ATF7IP: variants seen among roughly 807,000 people sequenced by gnomAD.
The protein encoded by ATF7IP is activating transcription factor 7-interacting protein 1.
In ATF7IP, 23 loss-of-function variants were observed where a neutral mutation model predicts 106.4. The ratio of observed to expected loss-of-function variants is 0.22; its 90% confidence interval spans 0.16 to 0.31. ATF7IP has a LOEUF of 0.31. Among genes scored for constraint, ATF7IP ranks in the 10% least tolerant of loss-of-function variants. ATF7IP has a pLI of 1.00. For synonymous variants in ATF7IP, 542 were observed against 539.0 expected, an observed-to-expected ratio of 1.01 and a Z score of -0.08; for missense variants, 1,334 against 1,524.3, an observed-to-expected ratio of 0.88 and a Z score of 2.08.
chr12:14,447,127 G>T, intron 6 of ATF7IP, 74 bp downstream of exon 6: 2 of 1,197,590 alleles, frequency 1.7e-6, no homozygotes, highest in South Asian at 2.8e-5. Context: ...GAATTAGGAG[G>T]AAACTGTATT....
chr12:14,431,729 G>C (rs1205808535), intron 2 of ATF7IP, among the ~76,000 whole-genome samples: 4 of 152,078 alleles, frequency 2.6e-5, no homozygotes, highest in Non-Finnish European at 5.9e-5. Flanking sequence ...ATTTGGATGA[G>C]TTTCAGGAGT....
intron 8 of ATF7IP, among the ~76,000 whole-genome samples, chr12:14,458,791 C>T (rs966609427): frequency 2.6e-5 from 4 of 151,542 alleles, no homozygotes; most frequent in Admixed American, 1.3e-4. Context: ...CCAGTGTACT[C>T]GATCCTGGGC....
chr12:14,435,678 C>A (rs1022999758), intron 3 of ATF7IP, among the ~76,000 whole-genome samples: 1 of 151,888 alleles, frequency 6.6e-6, no homozygotes, highest in Non-Finnish European at 1.5e-5. Flanking sequence ...CCTATACTTA[C>A]GGAGGAAAAA....
intron 13 of ATF7IP, among the ~76,000 whole-genome samples, chr12:14,493,831 C>T (rs1944909025): frequency 6.6e-6 from 1 of 152,098 alleles, no homozygotes; most frequent in African/African-American, 2.4e-5. Context: ...ATAAGACTCT[C>T]ATTCAGGGCA....
intron 1 of ATF7IP, among the ~76,000 whole-genome samples, chr12:14,415,605 T>C (rs1011311755): frequency 6.6e-6 from 1 of 152,168 alleles, no homozygotes; most frequent in Admixed American, 6.6e-5. Context: ...AGGGGTTAAT[T>C]TGTGAAAGTG....
intron 10 of ATF7IP, among the ~76,000 whole-genome samples, chr12:14,468,079 C>T (rs1460601383): frequency 6.6e-6 from 1 of 151,684 alleles, no homozygotes; most frequent in East Asian, 1.9e-4. Flanking sequence ...CCAGCCTGGC[C>T]AACATGGGGA....
chr12:14,481,533 CAATT>C, intron 13 of ATF7IP: 1 of 387,324 alleles, frequency 2.6e-6, no homozygotes, highest in Admixed American at 3.7e-5. Flanking sequence ...TAATTTTTGT[CAATT>C]AAAAAATAGT....
At chr12:14,417,083 T>A (rs1030804949) in intron 1 of ATF7IP, 1 of 257,190 alleles carries the variant, frequency 3.9e-6, no homozygotes, top group African/African-American at 2.3e-5. Context: ...TTTCCATTTT[T>A]ATTTTATAAT....
chr12:14,398,960 A>G (rs1251534301), intron 1 of ATF7IP, among the ~76,000 whole-genome samples: 2 of 152,106 alleles, frequency 1.3e-5, no homozygotes, highest in African/African-American at 4.8e-5. Context: ...CTTGAAACCC[A>G]TCAGGTTTTT....
intron 10 of ATF7IP, among the ~76,000 whole-genome samples, chr12:14,471,910 T>TA (rs1944058980): frequency 6.6e-6 from 1 of 152,210 alleles, no homozygotes; most frequent in Non-Finnish European, 1.5e-5. Flanking sequence ...TTTTCTAAGT[T>TA]ACCTGTGTGT....
chr12:14,483,840 G>A (rs1422835819), intron 13 of ATF7IP, among the ~76,000 whole-genome samples: 1 of 152,158 alleles, frequency 6.6e-6, no homozygotes, highest in East Asian at 1.9e-4. Context: ...GGTAAGACCA[G>A]TGGATTCCAT....
chr12:14,385,369 G>T (rs1201419315), intron 1 of ATF7IP: 1 of 1,533,572 alleles, frequency 6.5e-7, no homozygotes, highest in East Asian at 2.4e-5. Context: ...GTATGTCAGT[G>T]AGGAGACTTG....
chr12:14,450,225 G>A (rs1943146142), intron 6 of ATF7IP, among the ~76,000 whole-genome samples: 1 of 152,130 alleles, frequency 6.6e-6, no homozygotes, highest in South Asian at 2.1e-4. Flanking sequence ...GGCAAGAGTA[G>A]GCATGCTTGC....
chr12:14,436,988 A>G (rs1466598318), intron 4 of ATF7IP, among the ~76,000 whole-genome samples: 2 of 152,154 alleles, frequency 1.3e-5, no homozygotes, highest in African/African-American at 2.4e-5. Context: ...TTTCATGGTT[A>G]TAAGTCTACA....
At chr12:14,461,269 ATT>A in intron 9 of ATF7IP, 136 bp downstream of exon 9, 1 of 799,758 alleles carries the variant, frequency 1.3e-6, no homozygotes, top group Non-Finnish European at 1.8e-6. Context: ...ATTTTTAGTA[ATT>A]TTTTAGATAC....
At chr12:14,493,445 C>G (rs1353367451) in intron 13 of ATF7IP, among the ~76,000 whole-genome samples, 1 of 152,146 alleles carries the variant, frequency 6.6e-6, no homozygotes, top group African/African-American at 2.4e-5. Context: ...CATTGTCTTG[C>G]ATGGCAACTG....
chr12:14,376,154 A>C (rs879908524), intron 1 of ATF7IP, among the ~76,000 whole-genome samples: 2 of 152,242 alleles, frequency 1.3e-5, no homozygotes, highest in African/African-American at 2.4e-5. Flanking sequence ...ATTGATTGTC[A>C]TATCTGCAAG....
chr12:14,451,652 CAT>C (rs1943207907), intron 6 of ATF7IP, among the ~76,000 whole-genome samples: 1 of 151,506 alleles, frequency 6.6e-6, no homozygotes, highest in Non-Finnish European at 1.5e-5. Context: ...TTAATTTTCA[CAT>C]ATTTGTGACT....
At chr12:14,466,965 G>A (rs1943857146) in intron 10 of ATF7IP, among the ~76,000 whole-genome samples, 1 of 151,894 alleles carries the variant, frequency 6.6e-6, no homozygotes, top group Non-Finnish European at 1.5e-5. Flanking sequence ...ACCTTCACTT[G>A]TACCACACTC....
Sources: gnomAD v4.1 joint callset for allele counts (sites outside exome capture counted in the v4.1 genomes callset) on GRCh38, gnomAD v4.1.1 for gene constraint, MANE v1.5 for transcripts, NCBI Gene and HGNC (gene_info 2026-07-23, HGNC 2026-07-21) for gene names.